MARCHF2: variants seen among roughly 807,000 people sequenced by gnomAD.
MARCHF2 encodes the protein E3 ubiquitin-protein ligase MARCHF2.
MARCHF2 carries 22 observed loss-of-function variants against 24.0 expected under a neutral mutation model. That is an observed-to-expected ratio of 0.92 (90% CI 0.66 to 1.31). The LOEUF is 1.31. MARCHF2 is among the 50% of genes most tolerant of loss of function. The pLI, the probability that MARCHF2 is intolerant of heterozygous loss-of-function variation, is 0.00. For synonymous variants in MARCHF2, 154 were observed against 153.0 expected (o/e 1.01, Z -0.05); for missense variants, 301 against 335.3 (o/e 0.90, Z 0.80).
intron 1 of MARCHF2, among the ~76,000 whole-genome samples, chr19:8,414,203 AAT>A (rs1325570054): frequency 2.6e-5 from 4 of 152,200 alleles, no homozygotes; most frequent in Non-Finnish European, 5.9e-5. Context: ...TAGTAATTAT[AAT>A]AAGAGCTAAT....
intron 3 of MARCHF2, among the ~76,000 whole-genome samples, chr19:8,428,673 A>AAAAAAAAAAAC (rs1967486165): frequency 2.7e-5 from 4 of 147,766 alleles, no homozygotes; most frequent in African/African-American, 5.0e-5. Context: ...AAAAAAAAAA[A>AAAAAAAAAAAC]AAAAAAAAAA....
chr19:8,436,677 CTTTTTT>C (rs71175858), intron 4 of MARCHF2, among the ~76,000 whole-genome samples: 3 of 71,590 alleles, frequency 4.2e-5, no homozygotes, highest in Non-Finnish European at 5.5e-5. Flanking sequence ...TAAGGGCTTT[CTTTTTT>C]TTTTTTTTTT....
intron 3 of MARCHF2, 130 bp downstream of exon 3, chr19:8,426,934 G>C (rs1264044379): frequency 2.6e-6 from 2 of 772,680 alleles, no homozygotes; most frequent in African/African-American, 1.7e-5. Context: ...CTGTCCACCA[G>C]GTGGGTCTGC....
At chr19:8,419,428 A>AG (rs1967166530) in intron 1 of MARCHF2, among the ~76,000 whole-genome samples, 1 of 152,110 alleles carries the variant, frequency 6.6e-6, no homozygotes, top group Admixed American at 6.6e-5. Flanking sequence ...CGGGAGGCGG[A>AG]GGTTGCAGTG....
At chr19:8,423,182 C>T (rs1418532779) in intron 2 of MARCHF2, among the ~76,000 whole-genome samples, 2 of 151,102 alleles carry the variant, frequency 1.3e-5, no homozygotes, top group Admixed American at 6.6e-5. Flanking sequence ...GCCTCAGCCT[C>T]CCAAGTAGCT....
At chr19:8,436,771 A>AC (rs1342424710) in intron 4 of MARCHF2, among the ~76,000 whole-genome samples, 1 of 124,574 alleles carries the variant, frequency 8.0e-6, no homozygotes, top group Non-Finnish European at 1.6e-5. Context: ...CAGCCTCCGC[A>AC]CCCCTCCCCC....
At chr19:8,432,202 G>A (rs1967604437) in intron 4 of MARCHF2, among the ~76,000 whole-genome samples, 2 of 151,850 alleles carry the variant, frequency 1.3e-5, no homozygotes, top group Admixed American at 1.3e-4. Context: ...AAAATTGAAG[G>A]GGAAGAGAGA....
chr19:8,427,816 C>CAAAAAAAAA (rs35518866), intron 3 of MARCHF2: 4 of 132,672 alleles, frequency 3.0e-5, no homozygotes, highest in African/African-American at 5.7e-5. Flanking sequence ...ACAAAAAATA[C>CAAAAAAAAA]AAAAAAAAAA....
chr19:8,416,625 A>G (rs1967093755), intron 1 of MARCHF2, among the ~76,000 whole-genome samples: 1 of 152,084 alleles, frequency 6.6e-6, no homozygotes, highest in Admixed American at 6.6e-5. Context: ...GCTGGAGTGC[A>G]GTTGTGTGAT....
intron 1 of MARCHF2, among the ~76,000 whole-genome samples, chr19:8,419,670 G>T (rs1391365709): frequency 2.0e-5 from 3 of 149,514 alleles, no homozygotes; most frequent in Non-Finnish European, 3.0e-5. Context: ...GAAAAAATTA[G>T]CCGGGCGTGG....
chr19:8,414,619 A>T (rs1056179461), intron 1 of MARCHF2, among the ~76,000 whole-genome samples: 1 of 152,148 alleles, frequency 6.6e-6, no homozygotes, highest in African/African-American at 2.4e-5. Context: ...AGGCTGAGAG[A>T]GTAAAACAGC....
intron 3 of MARCHF2, among the ~76,000 whole-genome samples, chr19:8,428,491 C>T (rs548149519): frequency 1.3e-3 from 194 of 145,914 alleles, no homozygotes; most frequent in African/African-American, 4.6e-3. Flanking sequence ...CTGTCTCAAA[C>T]GATGAGGAAA....
intron 4 of MARCHF2, among the ~76,000 whole-genome samples, chr19:8,432,372 T>A (rs1351530007): frequency 6.6e-6 from 1 of 151,736 alleles, no homozygotes; most frequent in Non-Finnish European, 1.5e-5. Context: ...TATAAAAAAT[T>A]TAAAAATTAG....
At chr19:8,433,215 C>T (rs1967625950) in intron 4 of MARCHF2, among the ~76,000 whole-genome samples, 1 of 149,974 alleles carries the variant, frequency 6.7e-6, no homozygotes, top group African/African-American at 2.5e-5. Flanking sequence ...CTGACCTTGT[C>T]TCGAAGAAAA....
intron 2 of MARCHF2, among the ~76,000 whole-genome samples, chr19:8,422,344 A>G (rs560865141): frequency 6.6e-6 from 1 of 151,892 alleles, no homozygotes; most frequent in African/African-American, 2.4e-5. Context: ...CCCTGAGTGG[A>G]CACCTCTCTC....
Position 8,426,680 on chromosome 19 carries a change from C to T in MARCHF2, c.248C>T (p.Thr83Ile), listed in dbSNP as rs997748433. ...TGCTTGCTGTCCCCGTGTGGCTGCA[C>T]CGGCACGCTGGGTGCCGTGCATAAG... ...GECLLSPCGC[T>I]GTLGAVHKSC... Residue 83 changes from threonine (T) to isoleucine (I), a missense_variant, in exon 3 of 5, where the codon ACC (threonine) becomes ATC (isoleucine). Transcript: ENST00000215555. The T allele has an allele frequency of 1.9e-6, 3 of 1,613,860 alleles. No homozygotes were observed. Among genetic ancestry groups the T allele is most frequent in the Admixed American group, 3.3e-5 (2 of 59,996 alleles).
At chr19:8,423,096 G>T (rs1967298093) in intron 2 of MARCHF2, among the ~76,000 whole-genome samples, 2 of 147,868 alleles carry the variant, frequency 1.4e-5, no homozygotes, top group South Asian at 2.2e-4. Flanking sequence ...GTCTCACTTT[G>T]TCACCCATGC....
intron 1 of MARCHF2, among the ~76,000 whole-genome samples, chr19:8,414,405 A>G (rs1374209742): frequency 6.6e-6 from 1 of 151,858 alleles, no homozygotes; most frequent in African/African-American, 2.4e-5. Context: ...AGTAGTTGGG[A>G]TTACAGGCCC....
At chr19:8,425,589 G>C (rs1967376234) in intron 2 of MARCHF2, among the ~76,000 whole-genome samples, 3 of 151,278 alleles carry the variant, frequency 2.0e-5, no homozygotes, top group Non-Finnish European at 4.4e-5. Flanking sequence ...GTCATGAGGA[G>C]TGTTGTCTGC....
Sources: allele counts gnomAD v4.1 joint callset (sites outside exome capture counted in the v4.1 genomes callset), GRCh38; gene constraint gnomAD v4.1.1; transcripts MANE v1.5; gene names NCBI Gene and HGNC (gene_info 2026-07-23, HGNC 2026-07-21).